The following CCBE1 variants were observed in gnomAD, a reference collection of about 807,000 sequenced individuals.
The protein encoded by CCBE1 is collagen and calcium binding EGF domains 1, also known as collagen and calcium-binding EGF domain-containing protein 1.
Under a neutral mutation model 50.0 loss-of-function variants are expected in CCBE1, and 37 were observed. That is an observed-to-expected ratio of 0.74 (90% CI 0.57 to 0.97). CCBE1 has a LOEUF of 0.97. CCBE1 is among the 50% of genes least tolerant of loss of function. CCBE1 has a pLI of 0.00. For missense variants in CCBE1, 538 were observed against 523.8 expected, an observed-to-expected ratio of 1.03 and a Z score of -0.26; for synonymous variants, 234 against 203.7, an observed-to-expected ratio of 1.15 and a Z score of -1.27.
At chr18:59,502,359 G>T (rs889502515) in intron 2 of CCBE1, among the ~76,000 whole-genome samples, 8 of 152,198 alleles carry the variant, frequency 5.3e-5, no homozygotes, top group Middle Eastern at 3.2e-3. Context: ...TGTGTGTGAG[G>T]TAAGAGTCAT....
At chr18:59,504,384 CTTTT>C (rs10551471) in intron 2 of CCBE1, among the ~76,000 whole-genome samples, 27 of 143,110 alleles carry the variant, frequency 1.9e-4, no homozygotes, top group Middle Eastern at 3.3e-3. Context: ...GAATGTCTTC[CTTTT>C]TTTTTTTTTT....
At chr18:59,675,966 C>T (rs1424756542) in intron 2 of CCBE1, among the ~76,000 whole-genome samples, 1 of 152,128 alleles carries the variant, frequency 6.6e-6, no homozygotes, top group African/African-American at 2.4e-5. Flanking sequence ...TAATAAAAGC[C>T]AAAAACTACA....
At chr18:59,603,775 T>C (rs2053461943) in intron 2 of CCBE1, among the ~76,000 whole-genome samples, 1 of 152,210 alleles carries the variant, frequency 6.6e-6, no homozygotes, top group South Asian at 2.1e-4. Flanking sequence ...TTTAAAATAC[T>C]GGAGACCAGG....
At position 59,443,658 on chromosome 18, in the gene CCBE1, G is replaced by A. The variant is rs372475696; in HGVS notation, c.776-3842C>T. ...ATTTTTTTGTATTTTCAGTAGAGAT[G>A]GGGTTTCACCATGTTGGCCAGGCTA... On this transcript the variant is annotated intron_variant, in intron 7 of 10. Coordinates refer to ENST00000439986, the MANE Select transcript of CCBE1 (RefSeq NM_133459.4). 3.2e-3 allele frequency among the ~76,000 whole-genome samples: 494 copies of A among 152,066 alleles called. 1 individual carries two copies. Among genetic ancestry groups the A allele is most frequent in the African/African-American group, 0.011 (472 of 41,462 alleles).
chr18:59,573,200 G>T (rs1237675641), intron 2 of CCBE1, among the ~76,000 whole-genome samples: 1 of 150,158 alleles, frequency 6.7e-6, no homozygotes, highest in Admixed American at 6.6e-5. Context: ...CACCAGAATC[G>T]CTTGAACCTG....
intron 2 of CCBE1, among the ~76,000 whole-genome samples, chr18:59,641,155 G>A (rs2053983747): frequency 6.6e-6 from 1 of 152,064 alleles, no homozygotes. Context: ...AAAAACACAT[G>A]CACACATATG....
rs543768871 is a variant in CCBE1 at position 59,543,141 on chromosome 18, T to C, written c.213-62903A>G. Among the ~76,000 whole-genome samples, 4 of 152,282 alleles carry C rather than the reference T, an allele frequency of 2.6e-5. No homozygotes were observed. In the East Asian group the frequency reaches 7.7e-4, roughly 29 times the overall value. Reference sequence around the variant, plus strand: ...TCCATATTTTACACAAAAAGTTACCTGGGGAACTGGTGAAGATGCAGAGTC... The same window carrying C: ...TCCATATTTTACACAAAAAGTTACCCGGGGAACTGGTGAAGATGCAGAGTC... On this transcript the variant is annotated intron_variant, in intron 2 of 10. Transcript: ENST00000439986.
intron 2 of CCBE1, among the ~76,000 whole-genome samples, chr18:59,691,152 A>C (rs1299633164): frequency 6.6e-6 from 1 of 152,242 alleles, no homozygotes; most frequent in East Asian, 1.9e-4. Flanking sequence ...GTTTACTTTT[A>C]ACATAGTCAT....
In CCBE1 at chr18:59,508,134, G is replaced by A. The variant is rs1201276538; in HGVS notation, c.213-27896C>T. On this transcript the variant is annotated intron_variant, in intron 2 of 10. Coordinates refer to ENST00000439986, the MANE Select transcript of CCBE1 (RefSeq NM_133459.4). ...TCTCAATCTCTGGACCTCATGATCCGCCCGCCTCGGCCTCCCAAAGTGCTG... is the reference window on the plus strand; with the variant it reads ...TCTCAATCTCTGGACCTCATGATCCACCCGCCTCGGCCTCCCAAAGTGCTG... Among the ~76,000 whole-genome samples the A allele has an allele frequency of 2.6e-5, 4 of 151,524 alleles. No homozygotes were observed. In the South Asian group the frequency reaches 6.3e-4, roughly 24 times the overall value.
intron 2 of CCBE1, among the ~76,000 whole-genome samples, chr18:59,485,782 C>G (rs1428946622): frequency 6.6e-6 from 1 of 151,690 alleles, no homozygotes; most frequent in Non-Finnish European, 1.5e-5. Flanking sequence ...AGCTTATTTT[C>G]GGTAGACAGG....
chr18:59,479,633 T>C (rs1912471904), intron 3 of CCBE1, among the ~76,000 whole-genome samples: 1 of 152,236 alleles, frequency 6.6e-6, no homozygotes, highest in Non-Finnish European at 1.5e-5. Flanking sequence ...AAGCTATTAG[T>C]AGGACATAGA....
intron 2 of CCBE1, among the ~76,000 whole-genome samples, chr18:59,656,539 G>T (rs1268026648): frequency 6.6e-6 from 1 of 152,190 alleles, no homozygotes; most frequent in Non-Finnish European, 1.5e-5. Context: ...TGTTCTTAAA[G>T]GAAGAATTTA....
At chr18:59,462,461 C>G (rs979467117) in intron 5 of CCBE1, 4 of 152,058 alleles carry the variant, frequency 2.6e-5, no homozygotes, top group Non-Finnish European at 5.9e-5. Context: ...TTATAACTCA[C>G]TGCAGCCTCA....
intron 2 of CCBE1, among the ~76,000 whole-genome samples, chr18:59,681,523 A>G (rs2054587895): frequency 6.6e-6 from 1 of 152,280 alleles, no homozygotes. Context: ...ACAGCTCTCC[A>G]TGAAGCGAGG....
intron 2 of CCBE1, among the ~76,000 whole-genome samples, chr18:59,600,764 C>T (rs1404080980): frequency 1.3e-5 from 2 of 152,148 alleles, no homozygotes; most frequent in African/African-American, 4.8e-5. Flanking sequence ...TCAGCCACTC[C>T]CTCTCTTTCC....
At chr18:59,583,680 TGCGCGCGCGCGCGC>T (rs35460738) in intron 2 of CCBE1, among the ~76,000 whole-genome samples, 23 of 59,344 alleles carry the variant, frequency 3.9e-4, no homozygotes, top group African/African-American at 8.7e-4. Flanking sequence ...TGTGTGTGTG[TGCGCGCGCGCGCGC>T]GCGCGCGTGT....
At chr18:59,656,185 G>A (rs763240596) in intron 2 of CCBE1, among the ~76,000 whole-genome samples, 8 of 152,200 alleles carry the variant, frequency 5.3e-5, no homozygotes, top group Non-Finnish European at 7.4e-5. Context: ...TATTAAATAA[G>A]CAGATCCACT....
chr18:59,693,595 G>A (rs1336916765), intron 2 of CCBE1, among the ~76,000 whole-genome samples: 1 of 152,176 alleles, frequency 6.6e-6, no homozygotes, highest in Non-Finnish European at 1.5e-5. Flanking sequence ...TGAACTACAT[G>A]ACTTTGAACT....
intron 2 of CCBE1, 63 bp from the exon 3 acceptor site, chr18:59,480,301 A>C (rs1170872853): frequency 3.2e-6 from 4 of 1,264,012 alleles, no homozygotes; most frequent in Non-Finnish European, 4.6e-6. Context: ...CTTTCCAGTT[A>C]TTGTTGTTTG....
Sources: gnomAD v4.1 joint callset for allele counts (sites outside exome capture counted in the v4.1 genomes callset) on GRCh38, gnomAD v4.1.1 for gene constraint, MANE v1.5 for transcripts, NCBI Gene and HGNC (gene_info 2026-07-23, HGNC 2026-07-21) for gene names.